The following DLC1 variants were observed in gnomAD, a reference collection of about 807,000 sequenced individuals.
DLC1 encodes DLC1 Rho GTPase activating protein.
Under a neutral mutation model 140.3 loss-of-function variants are expected in DLC1, and 54 were observed. The observed-to-expected ratio is 0.38, with a 90% CI of 0.31 to 0.48. DLC1 has a LOEUF of 0.48. Ranked by LOEUF, DLC1 falls within the 20% of genes least tolerant of loss-of-function variation. DLC1 has a pLI of 0.96. For missense variants in DLC1, 2,536 were observed against 1,907.0 expected (o/e 1.33, Z -6.14); for synonymous variants, 986 against 728.1 (o/e 1.35, Z -5.70).
chr8:13,283,882 G>T (rs1445362378), intron 5 of DLC1, among the ~76,000 whole-genome samples: 4 of 152,202 alleles, frequency 2.6e-5, no homozygotes, highest in Admixed American at 6.5e-5. Context: ...GTAGGACAGA[G>T]TATCAAAGAA....
intron 4 of DLC1, among the ~76,000 whole-genome samples, chr8:13,315,101 A>C (rs1832816541): frequency 6.6e-6 from 1 of 152,198 alleles, no homozygotes; most frequent in Admixed American, 6.5e-5. Context: ...GAAGAAGTTT[A>C]TGACACTGAA....
chr8:13,437,644 T>A (rs2116903308), intron 2 of DLC1, among the ~76,000 whole-genome samples: 1 of 152,274 alleles, frequency 6.6e-6, no homozygotes, highest in East Asian at 1.9e-4. Context: ...TTGTTGCATT[T>A]CTGTGGAAAC....
At chr8:13,239,374 A>C (rs1479014241) in intron 5 of DLC1, among the ~76,000 whole-genome samples, 3 of 152,134 alleles carry the variant, frequency 2.0e-5, no homozygotes, top group Non-Finnish European at 2.9e-5. Flanking sequence ...GGAATAGTGA[A>C]AAGTCCAGGA....
intron 5 of DLC1, among the ~76,000 whole-genome samples, chr8:13,208,799 G>A (rs116106575): frequency 2.4e-4 from 37 of 151,820 alleles, no homozygotes; most frequent in African/African-American, 8.0e-4. Flanking sequence ...TAAGAAGTAA[G>A]ATAGTTTTAC....
At chr8:13,581,172 T>A (rs1257583094) in intron 1 of DLC1, among the ~76,000 whole-genome samples, 1 of 152,234 alleles carries the variant, frequency 6.6e-6, no homozygotes, top group South Asian at 2.1e-4. Flanking sequence ...AGGGTCAAAT[T>A]TTATGCCTCA....
chr8:13,461,319 T>A (rs1037205143), intron 2 of DLC1, among the ~76,000 whole-genome samples: 1 of 152,250 alleles, frequency 6.6e-6, no homozygotes. Flanking sequence ...TTTCTCCATT[T>A]CTTTACATGA....
intron 2 of DLC1, among the ~76,000 whole-genome samples, chr8:13,485,955 C>T (rs928591402): frequency 6.6e-5 from 10 of 152,140 alleles, no homozygotes; most frequent in South Asian, 4.1e-4. Context: ...CACAGAAATC[C>T]GCTAGCTAAC....
chr8:13,550,030 C>G (rs1415475108), intron 1 of DLC1, among the ~76,000 whole-genome samples: 1 of 152,088 alleles, frequency 6.6e-6, no homozygotes, highest in African/African-American at 2.4e-5. Flanking sequence ...CCTTGAGACT[C>G]CCAGACTCTA....
intron 1 of DLC1, among the ~76,000 whole-genome samples, chr8:13,529,746 T>C (rs1475814045): frequency 2.0e-5 from 3 of 152,194 alleles, no homozygotes; most frequent in Non-Finnish European, 2.9e-5. Context: ...ACTACTATGT[T>C]CTAGAAATCA....
chr8:13,125,942 C>T (rs1343469640), intron 5 of DLC1, among the ~76,000 whole-genome samples: 1 of 151,940 alleles, frequency 6.6e-6, no homozygotes, highest in Non-Finnish European at 1.5e-5. Context: ...GGGGTGAAGC[C>T]CTGCAAGTGA....
At chr8:13,212,698 C>T (rs1174571913) in intron 5 of DLC1, among the ~76,000 whole-genome samples, 1 of 152,056 alleles carries the variant, frequency 6.6e-6, no homozygotes, top group East Asian at 1.9e-4. Context: ...GGTGCTTGTG[C>T]TTTCTCGAGT....
At chr8:13,477,583 T>TG (rs1482220314) in intron 2 of DLC1, among the ~76,000 whole-genome samples, 1 of 152,220 alleles carries the variant, frequency 6.6e-6, no homozygotes, top group African/African-American at 2.4e-5. Flanking sequence ...GGAAATAATC[T>TG]GGTGATGATG....
intron 5 of DLC1, chr8:13,116,349 T>C (rs956720632): frequency 2.1e-6 from 1 of 486,530 alleles, no homozygotes; most frequent in Non-Finnish European, 2.7e-6. Flanking sequence ...CAAGAGCAAC[T>C]GACACACTGT....
intron 5 of DLC1, among the ~76,000 whole-genome samples, chr8:13,261,816 A>G (rs1311389448): frequency 6.6e-6 from 1 of 152,208 alleles, no homozygotes; most frequent in Non-Finnish European, 1.5e-5. Flanking sequence ...TTGACATGTT[A>G]TGTGATTTGG....
chr8:13,122,106 C>G (rs566496434), intron 5 of DLC1, among the ~76,000 whole-genome samples: 19 of 152,286 alleles, frequency 1.2e-4, no homozygotes, highest in Non-Finnish European at 2.2e-4. Context: ...AATCCGTCCT[C>G]CTTCAAGGAT....
rs1563593262 is a variant in DLC1 at position 13,099,969 on chromosome 8, CGTT to C, written c.2365_2367del (p.Asn789del). 1 of 1,612,690 alleles carries C rather than the reference CGTT, an allele frequency of 6.2e-7. No individual in the cohort carries two copies. Among genetic ancestry groups the C allele is most frequent in the South Asian group, 1.1e-5 (1 of 91,088 alleles). On this transcript the variant is annotated inframe_deletion, in exon 9 of 18. Transcript: ENST00000276297. Reference sequence around the variant, plus strand: ...CGGTTCTTAAAGTTCTGCTCCACCACGTTGTTAAATGTTGACTGATTGAAAGGA... The same window carrying C: ...CGGTTCTTAAAGTTCTGCTCCACCACGTTAAATGTTGACTGATTGAAAGGA...
chr8:13,148,903 C>T (rs944268233), intron 5 of DLC1, among the ~76,000 whole-genome samples: 1 of 152,116 alleles, frequency 6.6e-6, no homozygotes, highest in African/African-American at 2.4e-5. Flanking sequence ...CACCATTCTC[C>T]AGCCTCAGCC....
At chr8:13,242,051 A>G (rs1829566868) in intron 5 of DLC1, among the ~76,000 whole-genome samples, 1 of 152,150 alleles carries the variant, frequency 6.6e-6, no homozygotes, top group Non-Finnish European at 1.5e-5. Flanking sequence ...GCTCTTTTTA[A>G]CTAGGAGGAT....
intron 2 of DLC1, among the ~76,000 whole-genome samples, chr8:13,403,522 G>A (rs1337806059): frequency 6.6e-6 from 1 of 152,208 alleles, no homozygotes; most frequent in African/African-American, 2.4e-5. Flanking sequence ...CTTAAAGGTT[G>A]CTATAAAGTG....
Sources: gnomAD v4.1 joint callset for allele counts (sites outside exome capture counted in the v4.1 genomes callset) on GRCh38, gnomAD v4.1.1 for gene constraint, MANE v1.5 for transcripts, NCBI Gene and HGNC (gene_info 2026-07-23, HGNC 2026-07-21) for gene names.